Variants in PLG observed in about 807,000 individuals in gnomAD.
The protein encoded by PLG is plasminogen.
PLG carries 41 observed loss-of-function variants against 104.4 expected under a neutral mutation model. That is an observed-to-expected ratio of 0.39 (90% CI 0.31 to 0.51). The LOEUF is 0.51. PLG is among the 20% of genes least tolerant of loss of function. PLG has a pLI of 0.76. For synonymous variants in PLG, 337 were observed against 357.1 expected (o/e 0.94, Z 0.63); for missense variants, 891 against 1,003.6 (o/e 0.89, Z 1.52).
At position 160,741,384 on chromosome 6, in the gene PLG, G is replaced by A. The variant is rs201323384; in HGVS notation, c.2092G>A (p.Glu698Lys). Residue 698 changes from glutamate to lysine, a missense_variant, in exon 17 of 19, where the codon GAA becomes AAA. Glu to Lys is a moderately conservative substitution (Grantham distance 56, BLOSUM62 1). Around this residue, in one of 2 missense-constraint regions of PLG, gnomAD observed 854 missense variants for 932.1 expected, o/e 0.92. Transcript: ENST00000308192. The surrounding 1 kb of genome is among the most constrained non-coding windows in gnomAD (Gnocchi z 4.7). ...AAATTATGTGGTCGCTGACCGGACC[G>A]AATGTTTCATCACTGGCTGGGGAGA... ...SPNYVVADRT[E>K]CFITGWGETQ... 14 of 1,612,832 alleles carry A rather than the reference G, an allele frequency of 8.7e-6. No homozygotes were observed. In the South Asian group the frequency reaches 1.1e-4, roughly 13 times the overall value.
chr6:160,748,407 AGAAAGAAAGG>A lies in PLG; in HGVS notation c.2126-3698_2126-3689del, dbSNP rs1484553812. ...AAGAAAGAAAGAAAGAAAGGAAGAA[AGAAAGAAAGG>A]GAAAGAAAGAGAACGAAAGAAAGAA... On this transcript the variant is annotated intron_variant, in intron 17 of 18. Coordinates refer to ENST00000308192, the MANE Select transcript of PLG (RefSeq NM_000301.5). Among the ~76,000 whole-genome samples the A allele has an allele frequency of 3.9e-3, 332 of 85,152 alleles. 33 individuals are homozygous for A. Among genetic ancestry groups the A allele is most frequent in the African/African-American group, 0.01 (235 of 23,082 alleles). 55.9% of individuals were successfully genotyped at this position (85,152 alleles called of 152,430 possible). A position where few individuals can be genotyped will look rare whatever the true frequency, so the allele number is the denominator to read the frequency against.
chr6:160,728,292 A>G (rs74194309), intron 10 of PLG, among the ~76,000 whole-genome samples: 10,524 of 152,166 alleles, frequency 0.069, 449 homozygotes, highest in East Asian at 0.098. Context: ...TTGTTAAGGA[A>G]GGAATCAAAA....
Position 160,735,635 on chromosome 6 carries a change from G to A in PLG, c.1682-1252G>A, listed in dbSNP as rs56093624. Among the ~76,000 whole-genome samples the A allele has an allele frequency of 0.21, 32,120 of 152,156 alleles. 3,994 individuals carry two copies. Among genetic ancestry groups the A allele is most frequent in the Non-Finnish European group, 0.29 (19,732 of 67,988 alleles). On this transcript the variant is annotated intron_variant, in intron 13 of 18. Coordinates refer to ENST00000308192, the MANE Select transcript of PLG (RefSeq NM_000301.5). This position sits in a 1 kb window ranked among gnomAD's most constrained non-coding sequence, Gnocchi z 5.4. ...GATATGGTTTATTCAGGTTTGACTC[G>A]TGCTTGAGAAAGCTAGAGCCTCTGG...
At chr6:160,707,211 G>T (rs947859881) in intron 2 of PLG, among the ~76,000 whole-genome samples, 2 of 151,972 alleles carry the variant, frequency 1.3e-5, no homozygotes, top group Non-Finnish European at 2.9e-5. Context: ...TAGGTGACGG[G>T]CTTGGGAAGG....
At chr6:160,704,423 G>T (rs958181873) in intron 1 of PLG, among the ~76,000 whole-genome samples, 1 of 152,190 alleles carries the variant, frequency 6.6e-6, no homozygotes, top group Non-Finnish European at 1.5e-5. Context: ...GTTGTAGCCT[G>T]CTCTGCTATA....
rs746277553 is a variant in PLG at position 160,732,708 on chromosome 6, A to G, written c.1587+815A>G. ...GGGAACACGTTACTTTTATTTACCCATTTGTTATAAAAGATATTACAAAGG... is the reference window on the plus strand; with the variant it reads ...GGGAACACGTTACTTTTATTTACCCGTTTGTTATAAAAGATATTACAAAGG... On this transcript the variant is annotated intron_variant, in intron 12 of 18. Transcript: ENST00000308192. This position sits in a 1 kb window ranked among gnomAD's most constrained non-coding sequence, Gnocchi z 4.5. 1.3e-5 allele frequency among the ~76,000 whole-genome samples: 2 copies of G among 152,142 alleles called. No individual in the cohort carries two copies. The highest frequency in any genetic ancestry group is 4.8e-5 in the African/African-American group (2 of 41,424).
At chr6:160,706,303 T>C in intron 1 of PLG, 104 bp from the exon 2 acceptor site, 4 of 1,477,246 alleles carry the variant, frequency 2.7e-6, no homozygotes, top group Non-Finnish European at 3.8e-6. Context: ...ACAGAAAGTT[T>C]TATTTGGTTA....
At chr6:160,713,577 T>A (rs2115158847) in intron 5 of PLG, among the ~76,000 whole-genome samples, 1 of 152,316 alleles carries the variant, frequency 6.6e-6, no homozygotes, top group Middle Eastern at 3.4e-3. Flanking sequence ...CAGACCTGAA[T>A]TATTTTTATT....
At chr6:160,716,875 C>T in intron 7 of PLG, 112 bp downstream of exon 7, 1 of 773,134 alleles carries the variant, frequency 1.3e-6, no homozygotes. Context: ...ACCTACAAGT[C>T]CTATGGGATG....
At chr6:160,748,870 A>ATT (rs532259862) in intron 17 of PLG, among the ~76,000 whole-genome samples, 263 of 152,288 alleles carry the variant, frequency 1.7e-3, no homozygotes, top group Non-Finnish European at 3.5e-3. Flanking sequence ...CACAAACAAT[A>ATT]GTCTTCCAGC....
In PLG at chr6:160,723,788, A is replaced by G. The variant is rs927938816; in HGVS notation, c.1256+1221A>G. ...GCTCAATGGAGATGCCAGAGCTCAC[A>G]TAGCACTGGGGGATATTTGAGTTCT... On this transcript the variant is annotated intron_variant, in intron 10 of 18. Transcript: ENST00000308192. This position sits in a 1 kb window ranked among gnomAD's most constrained non-coding sequence, Gnocchi z 4.7. Among the ~76,000 whole-genome samples, 2 of 152,228 alleles carry G rather than the reference A, an allele frequency of 1.3e-5. No individual in the cohort carries two copies. Among genetic ancestry groups the G allele is most frequent in the African/African-American group, 2.4e-5 (1 of 41,466 alleles).
chr6:160,743,573 GT>G (rs1778229681), intron 17 of PLG, among the ~76,000 whole-genome samples: 1 of 152,078 alleles, frequency 6.6e-6, no homozygotes, highest in South Asian at 2.1e-4. Flanking sequence ...AGACTATGGG[GT>G]TTTCTAGACA....
intron 17 of PLG, among the ~76,000 whole-genome samples, chr6:160,743,587 G>C (rs575014719): frequency 5.6e-4 from 85 of 152,220 alleles, no homozygotes; most frequent in African/African-American, 1.8e-3. Context: ...TCTAGACATA[G>C]AGTCATGTCA....
Position 160,731,896 on chromosome 6 carries a change from A to G in PLG, c.1587+3A>G. 6.2e-7 allele frequency: 1 copy of G among 1,614,028 alleles called. No homozygotes were observed. Among genetic ancestry groups the G allele is most frequent in the Non-Finnish European group, 8.5e-7 (1 of 1,179,914 alleles). On this transcript the variant is annotated splice_donor_region_variant and intron_variant, in intron 12 of 18. Coordinates refer to ENST00000308192, the MANE Select transcript of PLG (RefSeq NM_000301.5). This position sits in a 1 kb window ranked among gnomAD's most constrained non-coding sequence, Gnocchi z 5.1. The stretch of plus-strand genomic sequence containing the variant: ...CACGGGCGGGTCTGGAAAAAAATGT[A>G]AGCCACTTTGATTTGGACTCTTTGG...
intron 9 of PLG, among the ~76,000 whole-genome samples, chr6:160,722,160 T>G (rs1343625756): frequency 6.6e-6 from 1 of 152,224 alleles, no homozygotes; most frequent in Non-Finnish European, 1.5e-5. Flanking sequence ...AGCTTGCATG[T>G]AAGTGCAATT....
chr6:160,717,834 C>T, intron 7 of PLG, among the ~76,000 whole-genome samples: 1 of 152,184 alleles, frequency 6.6e-6, no homozygotes, highest in East Asian at 1.9e-4. Flanking sequence ...TTGATTTCAT[C>T]TGAAAACATG....
chr6:160,726,176 CA>C lies in PLG; in HGVS notation c.1256+3610del, dbSNP rs1347517613. On this transcript the variant is annotated intron_variant, in intron 10 of 18. Transcript: ENST00000308192. This position sits in a 1 kb window ranked among gnomAD's most constrained non-coding sequence, Gnocchi z 4.4. ...CAAGTATGCATGGAGCATTCCCCAA[CA>C]TATACCATATGTGTGGGCCTACAGC... Among the ~76,000 whole-genome samples the C allele has an allele frequency of 2.0e-5, 3 of 152,098 alleles. No individual in the cohort carries two copies. The highest frequency in any genetic ancestry group is 7.2e-5 in the African/African-American group (3 of 41,418).
chr6:160,715,201 G>A (rs886428349), intron 6 of PLG, among the ~76,000 whole-genome samples: 1 of 152,176 alleles, frequency 6.6e-6, no homozygotes, highest in Non-Finnish European at 1.5e-5. Context: ...CTCAGCTGAT[G>A]TGCACACACA....
Position 160,740,466 on chromosome 6 carries a change from C to T in PLG, c.2019-845C>T, listed in dbSNP as rs528957669. Among the ~76,000 whole-genome samples, 2 of 152,278 alleles carry T rather than the reference C, an allele frequency of 1.3e-5. No individual in the cohort carries two copies. The highest frequency in any genetic ancestry group is 4.1e-4 in the South Asian group (2 of 4,824). ...TTTCGAGTTTAGAGTTCCCACCCCA[C>T]ATCCCCACACCCCGAGTCTAGGGCA... On this transcript the variant is annotated intron_variant, in intron 16 of 18. Coordinates refer to ENST00000308192, the MANE Select transcript of PLG (RefSeq NM_000301.5). The surrounding 1 kb of genome is among the most constrained non-coding windows in gnomAD (Gnocchi z 5.2).
Sources: gnomAD v4.1 joint callset for allele counts (sites outside exome capture counted in the v4.1 genomes callset) on GRCh38, gnomAD v4.1.1 for gene constraint, gnomAD v4.1.1 regional missense constraint, Gnocchi (gnomAD v3.1) non-coding constraint, MANE v1.5 for transcripts, NCBI Gene and HGNC (gene_info 2026-07-23, HGNC 2026-07-21) for gene names.